The following MEI4 variants were observed in gnomAD, a reference collection of about 807,000 sequenced individuals.
MEI4 encodes the protein meiosis-specific protein MEI4.
A neutral mutation model predicts 31.4 loss-of-function variants in MEI4; 27 were observed. The observed-to-expected ratio is 0.86, with a 90% CI of 0.63 to 1.19. The LOEUF (loss-of-function observed/expected upper bound fraction) is 1.19, where lower values mean the gene tolerates loss of function less well. Among genes scored for constraint, MEI4 ranks in the 50% most tolerant of loss-of-function variants. The pLI is 0.00. For missense variants in MEI4, 329 were observed against 398.9 expected (o/e 0.82, Z 1.49); for synonymous variants, 122 against 145.4 (o/e 0.84, Z 1.16).
At chr6:77,657,313 T>C (rs1768415109) in intron 1 of MEI4, among the ~76,000 whole-genome samples, 1 of 152,214 alleles carries the variant, frequency 6.6e-6, no homozygotes, top group Non-Finnish European at 1.5e-5. Context: ...ATCAGTATTA[T>C]TTTGTACATG....
chr6:77,908,174 T>C (rs1766344813), intron 4 of MEI4, among the ~76,000 whole-genome samples: 1 of 152,194 alleles, frequency 6.6e-6, no homozygotes, highest in South Asian at 2.1e-4. Context: ...TTGTCAATTT[T>C]GGCTTTTGTT....
intron 4 of MEI4, among the ~76,000 whole-genome samples, chr6:77,843,230 A>C (rs1770406345): frequency 6.6e-6 from 1 of 151,938 alleles, no homozygotes; most frequent in African/African-American, 2.4e-5. Flanking sequence ...ACTTGAGAGA[A>C]GCAGCTCATG....
intron 2 of MEI4, among the ~76,000 whole-genome samples, chr6:77,694,248 T>C (rs987155593): frequency 6.6e-6 from 1 of 151,760 alleles, no homozygotes; most frequent in Non-Finnish European, 1.5e-5. Context: ...TTTCTTTTTA[T>C]TATTTATTTA....
At chr6:77,900,158 G>T (rs1766160037) in intron 4 of MEI4, among the ~76,000 whole-genome samples, 2 of 151,978 alleles carry the variant, frequency 1.3e-5, no homozygotes, top group South Asian at 4.1e-4. Flanking sequence ...TATTGGCAAG[G>T]ATGCAGAGTA....
At position 77,847,931 on chromosome 6, in the gene MEI4, A is replaced by AG. The variant is rs1276464532; in HGVS notation, c.900+18871dup. Among the ~76,000 whole-genome samples the AG allele has an allele frequency of 1.3e-5, 2 of 152,194 alleles. No individual in the cohort carries two copies. The highest frequency in any genetic ancestry group is 6.6e-5 in the Admixed American group (1 of 15,264). On this transcript the variant is annotated intron_variant, in intron 4 of 4. Coordinates refer to ENST00000684080, the MANE Select transcript of MEI4 (RefSeq NM_001322247.2). The surrounding 1 kb of genome is among the most constrained non-coding windows in gnomAD (Gnocchi z 4.6). ...AGCTGTAATTCACTCAGAATTAGAA[A>AG]GGAAAAAAGGAAAGGAAAGAACGTC... is the stretch of plus-strand genomic sequence containing the variant.
At chr6:77,791,475 G>A (rs2127696118) in intron 3 of MEI4, among the ~76,000 whole-genome samples, 1 of 143,684 alleles carries the variant, frequency 7.0e-6, no homozygotes, top group East Asian at 2.1e-4. Flanking sequence ...GGTGGGAATT[G>A]AACAATGAGA....
intron 3 of MEI4, among the ~76,000 whole-genome samples, chr6:77,763,750 A>G (rs1278185845): frequency 1.1e-4 from 17 of 152,076 alleles, no homozygotes; most frequent in African/African-American, 3.9e-4. Flanking sequence ...TTTAAGAAAG[A>G]TTGTTCTCAA....
At chr6:77,895,564 C>T (rs1433669707) in intron 4 of MEI4, among the ~76,000 whole-genome samples, 1 of 152,166 alleles carries the variant, frequency 6.6e-6, no homozygotes, top group Non-Finnish European at 1.5e-5. Context: ...TCAGCATCTT[C>T]TCCCACCCTA....
chr6:77,813,570 A>G (rs1325317198), intron 3 of MEI4, among the ~76,000 whole-genome samples: 2 of 150,940 alleles, frequency 1.3e-5, no homozygotes, highest in African/African-American at 2.4e-5. Flanking sequence ...CTCTGAAACC[A>G]TATTGGGGAC....
intron 4 of MEI4, among the ~76,000 whole-genome samples, chr6:77,907,499 G>A (rs989878801): frequency 6.6e-6 from 1 of 152,080 alleles, no homozygotes; most frequent in Non-Finnish European, 1.5e-5. Context: ...AGTATTCCAT[G>A]GTGTATATGT....
rs895189422 is a variant in MEI4, at chr6:77,690,850, A to G, written c.179A>G (p.Gln60Arg). The change falls in exon 2 of 5, where the codon CAA becomes CGA. Residue 60 changes from glutamine (Q) to arginine (R), a missense_variant. Coordinates refer to ENST00000684080, the MANE Select transcript of MEI4 (RefSeq NM_001322247.2). ...KVEILEAEVM[Q>R]LRQKLLVSRL... ...GAAATCTTGGAAGCTGAAGTTATGCAATTACGTCAAAAACTTCTTGTGAGC... is the reference window on the plus strand; with the variant it reads ...GAAATCTTGGAAGCTGAAGTTATGCGATTACGTCAAAAACTTCTTGTGAGC... 16 of 1,231,320 alleles carry G rather than the reference A, an allele frequency of 1.3e-5. No homozygotes were observed. The highest frequency in any genetic ancestry group is 1.6e-5 in the African/African-American group (1 of 64,376). The allele number at this position is 1,231,320 out of a possible 1,614,324, so 76.3% of individuals were successfully genotyped here.
intron 2 of MEI4, among the ~76,000 whole-genome samples, chr6:77,732,714 A>G (rs1288879764): frequency 6.6e-6 from 1 of 152,022 alleles, no homozygotes; most frequent in African/African-American, 2.4e-5. Flanking sequence ...CCAGTTTTCA[A>G]AGGGAATGCT....
intron 4 of MEI4, among the ~76,000 whole-genome samples, chr6:77,887,288 TTTTC>T (rs1231149438): frequency 1.3e-5 from 2 of 152,010 alleles, no homozygotes; most frequent in Non-Finnish European, 2.9e-5. Flanking sequence ...TATTTATTTC[TTTTC>T]TTTTTTATTC....
In MEI4 at chr6:77,761,021, G is replaced by A. The variant is rs894377553; in HGVS notation, c.233-109G>A. 27 of 710,204 alleles carry A rather than the reference G, an allele frequency of 3.8e-5. No individual in the cohort carries two copies. The African/African-American group carries it at 4.6e-4, about 12-fold the overall frequency. 44.0% of individuals were successfully genotyped at this position (710,204 alleles called of 1,614,324 possible). A position where few individuals can be genotyped will look rare whatever the true frequency, so the allele number is the denominator to read the frequency against. ...CACTACTGCTTGTTAAATGCTTAAT[G>A]TGTATTTATATACTTCATTTCTTAT... On this transcript the variant is annotated intron_variant, in intron 2 of 4. Transcript: ENST00000684080.
chr6:77,662,351 G>A (rs1278243608), intron 1 of MEI4, among the ~76,000 whole-genome samples: 1 of 152,062 alleles, frequency 6.6e-6, no homozygotes, highest in Non-Finnish European at 1.5e-5. Flanking sequence ...GGAAATATGG[G>A]GAAATGGGGT....
intron 2 of MEI4, among the ~76,000 whole-genome samples, chr6:77,743,361 G>C (rs1375241555): frequency 6.6e-6 from 1 of 152,038 alleles, no homozygotes. Flanking sequence ...GGATTCCTGG[G>C]TATTTTACTC....
chr6:77,825,533 C>G (rs969833585), intron 3 of MEI4, among the ~76,000 whole-genome samples: 1 of 152,168 alleles, frequency 6.6e-6, no homozygotes, highest in African/African-American at 2.4e-5. Context: ...ACACAAGGAC[C>G]TTTATGAAGG....
In MEI4 at chr6:77,736,283, C is replaced by G. The variant is rs964635201; in HGVS notation, c.233-24847C>G. Among the ~76,000 whole-genome samples, 7 of 152,116 alleles carry G rather than the reference C, an allele frequency of 4.6e-5. No homozygotes were observed. The South Asian group carries it at 1.0e-3, about 23-fold the overall frequency. ...CTCAGAGGGCTGTGCTAGCAATCAGCAAGACTCCGTGGGCGTATTACCCTC... is the reference window on the plus strand; with the variant it reads ...CTCAGAGGGCTGTGCTAGCAATCAGGAAGACTCCGTGGGCGTATTACCCTC... On this transcript the variant is annotated intron_variant, in intron 2 of 4. Coordinates refer to ENST00000684080, the MANE Select transcript of MEI4 (RefSeq NM_001322247.2).
intron 3 of MEI4, among the ~76,000 whole-genome samples, chr6:77,781,927 A>G (rs746334285): frequency 2.6e-5 from 4 of 152,106 alleles, no homozygotes; most frequent in Non-Finnish European, 5.9e-5. Flanking sequence ...CTTTGATGAG[A>G]ACCATCTCTG....
Sources: gnomAD v4.1 joint callset for allele counts (sites outside exome capture counted in the v4.1 genomes callset) on GRCh38, gnomAD v4.1.1 for gene constraint, Gnocchi (gnomAD v3.1) non-coding constraint, MANE v1.5 for transcripts, NCBI Gene and HGNC (gene_info 2026-07-23, HGNC 2026-07-21) for gene names.